MTMR7: variants seen among roughly 807,000 people sequenced by gnomAD.
MTMR7 encodes the protein phosphatidylinositol-3-phosphate phosphatase MTMR7.
Under a neutral mutation model 81.2 loss-of-function variants are expected in MTMR7, and 76 were observed. The observed-to-expected ratio is 0.94, with a 90% CI of 0.78 to 1.13. The LOEUF is 1.13. Ranked by LOEUF, MTMR7 falls within the 50% of genes most tolerant of loss-of-function variation. The probability of loss-of-function intolerance (pLI) is 0.00; values close to 1 mark genes in which losing one functional copy is unlikely to be tolerated. For missense variants in MTMR7, 1,044 were observed against 820.0 expected (o/e 1.27, Z -3.34); for synonymous variants, 372 against 289.8 (o/e 1.28, Z -2.88).
intron 10 of MTMR7, among the ~76,000 whole-genome samples, chr8:17,307,514 GACCC>G (rs1397077867): frequency 1.3e-5 from 2 of 152,116 alleles, no homozygotes; most frequent in Non-Finnish European, 2.9e-5. Flanking sequence ...AATACCATTT[GACCC>G]AGCCATCCCA....
At chr8:17,325,941 G>A (rs1818658005) in intron 7 of MTMR7, among the ~76,000 whole-genome samples, 1 of 152,170 alleles carries the variant, frequency 6.6e-6, no homozygotes, top group Non-Finnish European at 1.5e-5. Flanking sequence ...CTTCCCAAGA[G>A]AAAGCATACC....
chr8:17,371,898 C>G (rs1055920683), intron 2 of MTMR7, among the ~76,000 whole-genome samples: 14 of 128,110 alleles, frequency 1.1e-4, no homozygotes, highest in Non-Finnish European at 1.8e-4. Context: ...TTGAAATTTA[C>G]TCTCATAATT....
At chr8:17,317,589 A>G (rs1356191192) in intron 7 of MTMR7, among the ~76,000 whole-genome samples, 3 of 152,144 alleles carry the variant, frequency 2.0e-5, no homozygotes, top group Non-Finnish European at 4.4e-5. Flanking sequence ...GTGTATCACC[A>G]TCTTCTCTTG....
At chr8:17,383,026 T>TGG (rs10548216) in intron 1 of MTMR7, among the ~76,000 whole-genome samples, 1 of 149,934 alleles carries the variant, frequency 6.7e-6, no homozygotes. Flanking sequence ...CTCCGAGATA[T>TGG]GGGGGGGCCG....
Position 17,376,291 on chromosome 8 carries a change from G to A in MTMR7, c.25-3051C>T, listed in dbSNP as rs12674531. Among the ~76,000 whole-genome samples the A allele has an allele frequency of 0.026, 3,959 of 152,226 alleles. 443 individuals are homozygous for A. In the East Asian group the frequency reaches 0.31, roughly 12 times the overall value. On this transcript the variant is annotated intron_variant, in intron 1 of 13. Coordinates refer to ENST00000180173, the MANE Select transcript of MTMR7 (RefSeq NM_004686.5). Reference sequence around the variant, plus strand: ...AGTGCTTTACTTTTTGTTGCCCCATGATATACCATTATAGGGACATATCAT... The same window carrying A: ...AGTGCTTTACTTTTTGTTGCCCCATAATATACCATTATAGGGACATATCAT...
At chr8:17,311,745 C>A in intron 8 of MTMR7, 109 bp from the exon 9 acceptor site, 1 of 1,521,398 alleles carries the variant, frequency 6.6e-7, no homozygotes, top group East Asian at 2.3e-5. Context: ...ACAGCCAAAA[C>A]GAAACACCTG....
chr8:17,341,608 C>T (rs530031118), intron 5 of MTMR7, 111 bp from the exon 6 acceptor site: 18 of 1,337,006 alleles, frequency 1.3e-5, no homozygotes, highest in East Asian at 2.4e-5. Context: ...TAGTCCACCT[C>T]GGCTTATGAA....
intron 1 of MTMR7, among the ~76,000 whole-genome samples, chr8:17,393,379 A>G (rs1821158795): frequency 6.6e-6 from 1 of 152,202 alleles, no homozygotes; most frequent in Non-Finnish European, 1.5e-5. Flanking sequence ...GAAAATAGAT[A>G]AATTGTACTT....
chr8:17,388,233 C>G (rs1821006931), intron 1 of MTMR7, among the ~76,000 whole-genome samples: 1 of 152,110 alleles, frequency 6.6e-6, no homozygotes. Flanking sequence ...TGAACAAGAG[C>G]AAAGTCCCAG....
intron 1 of MTMR7, among the ~76,000 whole-genome samples, chr8:17,381,468 G>A (rs533471683): frequency 6.6e-6 from 1 of 152,172 alleles, no homozygotes; most frequent in Non-Finnish European, 1.5e-5. Flanking sequence ...TATCCTGCAG[G>A]TCAAATATTG....
intron 10 of MTMR7, among the ~76,000 whole-genome samples, chr8:17,307,142 T>C (rs1256629445): frequency 6.6e-6 from 1 of 152,154 alleles, no homozygotes; most frequent in African/African-American, 2.4e-5. Context: ...CCTACTCATC[T>C]GACAAAGGGC....
At chr8:17,350,952 A>C (rs977256128) in intron 4 of MTMR7, among the ~76,000 whole-genome samples, 1 of 152,168 alleles carries the variant, frequency 6.6e-6, no homozygotes, top group Non-Finnish European at 1.5e-5. Context: ...GGCTCAACCA[A>C]CTTGGACTCA....
At chr8:17,364,424 G>C (rs1234546572) in intron 3 of MTMR7, among the ~76,000 whole-genome samples, 1 of 152,098 alleles carries the variant, frequency 6.6e-6, no homozygotes, top group African/African-American at 2.4e-5. Context: ...AACATTTTTT[G>C]TAACGAGAAC....
chr8:17,320,437 G>A (rs552853849), intron 7 of MTMR7, among the ~76,000 whole-genome samples: 25 of 152,224 alleles, frequency 1.6e-4, no homozygotes, highest in Admixed American at 3.3e-4. Flanking sequence ...CAAGGCAATT[G>A]GGAAGGGAGC....
At chr8:17,374,662 A>G (rs1441454595) in intron 1 of MTMR7, among the ~76,000 whole-genome samples, 1 of 151,980 alleles carries the variant, frequency 6.6e-6, no homozygotes, top group African/African-American at 2.4e-5. Context: ...AAAGCATAAA[A>G]ACTAGCCTGG....
intron 13 of MTMR7, among the ~76,000 whole-genome samples, chr8:17,301,419 G>C (rs1563311545): frequency 4.6e-5 from 7 of 152,154 alleles, no homozygotes; most frequent in Admixed American, 1.3e-4. Flanking sequence ...CAGGAGTAGG[G>C]ACAGTGAGAG....
At chr8:17,368,594 A>C (rs1346514938) in intron 3 of MTMR7, among the ~76,000 whole-genome samples, 1 of 151,886 alleles carries the variant, frequency 6.6e-6, no homozygotes, top group Non-Finnish European at 1.5e-5. Flanking sequence ...TTCATGTCTA[A>C]CCCCTTCCAC....
At chr8:17,396,362 T>C (rs1284401951) in intron 1 of MTMR7, among the ~76,000 whole-genome samples, 2 of 152,204 alleles carry the variant, frequency 1.3e-5, no homozygotes, top group Non-Finnish European at 2.9e-5. Flanking sequence ...CGAGGCAACC[T>C]GTCCCCCATC....
chr8:17,373,466 A>G (rs1331344858), intron 1 of MTMR7, among the ~76,000 whole-genome samples: 1 of 152,236 alleles, frequency 6.6e-6, no homozygotes, highest in East Asian at 1.9e-4. Context: ...GTTTAAAGGT[A>G]CCACAAAAGA....
Sources: allele counts gnomAD v4.1 joint callset (sites outside exome capture counted in the v4.1 genomes callset), GRCh38; gene constraint gnomAD v4.1.1; transcripts MANE v1.5; gene names NCBI Gene and HGNC (gene_info 2026-07-23, HGNC 2026-07-21).